The following SEMA4A variants were observed in gnomAD, a reference collection of about 807,000 sequenced individuals.
SEMA4A encodes semaphorin-4A.
SEMA4A carries 52 observed loss-of-function variants against 72.5 expected under a neutral mutation model. The ratio of observed to expected loss-of-function variants is 0.72; its 90% confidence interval spans 0.57 to 0.90. SEMA4A has a LOEUF of 0.90. Among genes scored for constraint, SEMA4A ranks in the 40% least tolerant of loss-of-function variants. The pLI, the probability that SEMA4A is intolerant of heterozygous loss-of-function variation, is 0.00. For synonymous variants in SEMA4A, 369 were observed against 393.1 expected, an observed-to-expected ratio of 0.94 and a Z score of 0.73; for missense variants, 926 against 959.7, an observed-to-expected ratio of 0.96 and a Z score of 0.46.
At chr1:156,149,615 A>C (rs1469164766), upstream of SEMA4A, 1 of 152,224 alleles carries the variant, frequency 6.6e-6, no homozygotes, top group Non-Finnish European at 1.5e-5. Flanking sequence ...CTGAATTTGC[A>C]TGGGGTTGGG....
intron 2 of SEMA4A, 66 bp downstream of exon 2, chr1:156,154,783 G>T: frequency 6.5e-7 from 1 of 1,534,938 alleles, no homozygotes; most frequent in East Asian, 2.4e-5. Context: ...GGAGGAAGGA[G>T]AGAGGAACAG....
chr1:156,161,991 G>A (rs1168910282), intron 9 of SEMA4A, among the ~76,000 whole-genome samples: 3 of 152,160 alleles, frequency 2.0e-5, no homozygotes, highest in African/African-American at 7.2e-5. Context: ...GGCCGGGTGC[G>A]GTGGCTCATG....
chr1:156,160,151 C>T (rs1442220903), intron 6 of SEMA4A, among the ~76,000 whole-genome samples: 3 of 152,070 alleles, frequency 2.0e-5, no homozygotes. Flanking sequence ...GTAAGTGATT[C>T]TACTTGGCAA....
chr1:156,176,415 C>A lies in SEMA4A; in HGVS notation c.1704C>A (p.Val568=). 6.2e-7 allele frequency: 1 copy of A among 1,613,528 alleles called. No individual in the cohort carries two copies. Among genetic ancestry groups the A allele is most frequent in the Non-Finnish European group, 8.5e-7 (1 of 1,179,468 alleles). The change falls in exon 15 of 15, where the codon GTC becomes GTA. Residue 568 remains valine, a synonymous_variant. Transcript: ENST00000368285. ...TTCTTTCTCCTACAGTTAAAGAAGT[C>A]CTGGCTGTCCCCAACTCCATCCTGG... The part of the protein sequence containing the change: ...PQSRPQIIKE[V]LAVPNSILEL...
rs199654825 is a variant in SEMA4A at position 156,160,900 on chromosome 1, C to G, written c.686-5C>G. On this transcript the variant is annotated splice_region_variant and splice_polypyrimidine_tract_variant and intron_variant, in intron 7 of 14. Coordinates refer to ENST00000368285, the MANE Select transcript of SEMA4A (RefSeq NM_022367.4). ...TCCCTAAGCCCATCTGCCCCTCCCCCGCAGATGACGCCTCCTTTGTGGCAG... is the reference window on the plus strand; with the variant it reads ...TCCCTAAGCCCATCTGCCCCTCCCCGGCAGATGACGCCTCCTTTGTGGCAG... 8.7e-6 allele frequency: 14 copies of G among 1,613,556 alleles called. No individual in the cohort carries two copies. The African/African-American group carries it at 1.2e-4, about 14-fold the overall frequency.
At chr1:156,167,475 CAAA>C (rs58793729) in intron 10 of SEMA4A, among the ~76,000 whole-genome samples, 37,973 of 103,400 alleles carry the variant, frequency 0.37, 4,680 homozygotes, top group South Asian at 0.46. Context: ...GACCCTGTCT[CAAA>C]AAAAAAAAAA....
chr1:156,169,035 C>G (rs1009230155), intron 10 of SEMA4A, among the ~76,000 whole-genome samples: 6 of 152,232 alleles, frequency 3.9e-5, no homozygotes, highest in Non-Finnish European at 8.8e-5. Context: ...TTTACTCTCT[C>G]TGGTGGATAA....
chr1:156,150,547 G>A (rs564615202), upstream of SEMA4A, among the ~76,000 whole-genome samples: 1 of 152,018 alleles, frequency 6.6e-6, no homozygotes, highest in South Asian at 2.1e-4. Flanking sequence ...AAAGGGAGGA[G>A]GTGGGGGAAA....
At chr1:156,160,299 C>T (rs913656210) in intron 6 of SEMA4A, 144 bp from the exon 7 acceptor site, 1 of 718,914 alleles carries the variant, frequency 1.4e-6, no homozygotes, top group South Asian at 1.5e-5. Context: ...GGGAGCTGGC[C>T]TTTGAGGCTC....
Position 156,176,915 on chromosome 1 carries a change from A to G in SEMA4A, c.2204A>G (p.His735Arg). 6.2e-7 allele frequency: 1 copy of G among 1,614,194 alleles called. No individual in the cohort carries two copies. The highest frequency in any genetic ancestry group is 1.3e-5 in the African/African-American group (1 of 75,060). Residue 735 changes from histidine (H) to arginine (R), a missense_variant, in exon 15 of 15, where the codon CAC (histidine) becomes CGC (arginine). By Grantham distance (29) the His-to-Arg change is conservative. Coordinates refer to ENST00000368285, the MANE Select transcript of SEMA4A (RefSeq NM_022367.4). ...GEKAPLSREQHLQSPKECRTS... is the reference protein window; with the variant it reads ...GEKAPLSREQRLQSPKECRTS... ...AAGGCCCCGTTAAGCAGAGAGCAAC[A>G]CCTCCAGTCTCCCAAGGAATGCAGG...
In SEMA4A at chr1:156,161,338, G is replaced by GC. The variant is rs1558151243; in HGVS notation, c.811-3dup. On this transcript the variant is annotated splice_polypyrimidine_tract_variant and splice_region_variant and intron_variant, in intron 8 of 14. Coordinates refer to ENST00000368285, the MANE Select transcript of SEMA4A (RefSeq NM_022367.4). Reference sequence around the variant, plus strand: ...CGGGGCGCCCCCTGACTCCCCCTGTGCCCCCAGAATGACGTGGGCGGCGAA... The same window carrying GC: ...CGGGGCGCCCCCTGACTCCCCCTGTGCCCCCCAGAATGACGTGGGCGGCGAA... The GC allele has an allele frequency of 4.8e-6, 6 of 1,247,306 alleles. No homozygotes were observed. The highest frequency in any genetic ancestry group is 5.5e-6 in the Non-Finnish European group (5 of 912,152). The allele number at this position is 1,247,306 out of a possible 1,614,324, so 77.3% of individuals were successfully genotyped here. A position where few individuals can be genotyped will look rare whatever the true frequency, so the allele number is the denominator to read the frequency against.
intron 10 of SEMA4A, among the ~76,000 whole-genome samples, chr1:156,163,533 C>G (rs536257443): frequency 3.9e-4 from 59 of 151,528 alleles, no homozygotes; most frequent in African/African-American, 1.4e-3. Context: ...AACAGCCTGG[C>G]TAACATGGTG....
chr1:156,156,461 G>A lies in SEMA4A; in HGVS notation c.187G>A (p.Asp63Asn), dbSNP rs769950018. Residue 63 changes from aspartate to asparagine, a missense_variant, in exon 3 of 15, where the codon GAT (aspartate) becomes AAT (asparagine). Asp to Asn is a conservative substitution (Grantham distance 23). Coordinates refer to ENST00000368285, the MANE Select transcript of SEMA4A (RefSeq NM_022367.4). ...LSFFHQKGLQ[D>N]FDTLLLSGDG... ...CTTCTTCCACCAGAAGGGCCTCCAG[G>A]ATTTTGACACTCTGCTCCTGAGTGG... The A allele has an allele frequency of 1.2e-5, 20 of 1,614,018 alleles. No homozygotes were observed. Among genetic ancestry groups the A allele is most frequent in the Non-Finnish European group, 1.5e-5 (18 of 1,180,014 alleles).
chr1:156,158,783 G>T lies in SEMA4A; in HGVS notation c.527G>T (p.Ser176Ile), dbSNP rs756270130. 6.2e-7 allele frequency: 1 copy of T among 1,613,994 alleles called. No homozygotes were observed. ...EDKVMEGKGQSPFDPAHKHTA... is the reference protein window; with the variant it reads ...EDKVMEGKGQIPFDPAHKHTA... Reference sequence around the variant, plus strand: ...AAGGTCATGGAGGGAAAAGGCCAAAGCCCCTTTGACCCCGCTCACAAGCAT... The same window carrying T: ...AAGGTCATGGAGGGAAAAGGCCAAATCCCCTTTGACCCCGCTCACAAGCAT... The change falls in exon 6 of 15, where the codon AGC becomes ATC. Residue 176 changes from serine (S) to isoleucine (I), a missense_variant. Physicochemically the swap from Ser to Ile is moderately radical, Grantham distance 142 (BLOSUM62 -2). Transcript: ENST00000368285.
rs58494401 is a variant in SEMA4A at position 156,167,414 on chromosome 1, C to T, written c.1134+4320C>T. Among the ~76,000 whole-genome samples the T allele has an allele frequency of 1.2e-4, 18 of 144,192 alleles. No homozygotes were observed. In the East Asian group the frequency reaches 2.9e-3, roughly 23 times the overall value. The allele number at this position is 144,192 out of a possible 152,430, so 94.6% of individuals were successfully genotyped here. ...GTGAAGTAGGAGGATCACTTGAGCC[C>T]GGGAGGTCGAGGCTGCACCCCACTG... On this transcript the variant is annotated intron_variant, in intron 10 of 14. Transcript: ENST00000368285.
At chr1:156,174,011 T>C (rs1037728013) in intron 11 of SEMA4A, among the ~76,000 whole-genome samples, 4 of 152,082 alleles carry the variant, frequency 2.6e-5, no homozygotes, top group Admixed American at 6.5e-5. Context: ...CTCGGGAGGC[T>C]GAGTCAGGAG....
intron 6 of SEMA4A, chr1:156,159,034 A>C: frequency 2.5e-6 from 1 of 405,684 alleles, no homozygotes. Flanking sequence ...ATCGTCTCAA[A>C]AAAAAAAAAA....
At chr1:156,175,685 G>A (rs759601769) in intron 14 of SEMA4A, 29 bp downstream of exon 14, 2 of 1,513,568 alleles carry the variant, frequency 1.3e-6, no homozygotes, top group South Asian at 2.3e-5. Flanking sequence ...ACCAGGGGAG[G>A]TGCAAAGGCT....
At chr1:156,174,977 G>A in intron 12 of SEMA4A, 37 bp downstream of exon 12, 1 of 1,614,224 alleles carries the variant, frequency 6.2e-7, no homozygotes, top group African/African-American at 1.3e-5. Context: ...GCCTTCCAGT[G>A]GGGCTGGCCT....
Sources: gnomAD v4.1 joint callset for allele counts (sites outside exome capture counted in the v4.1 genomes callset) on GRCh38, gnomAD v4.1.1 for gene constraint, MANE v1.5 for transcripts, NCBI Gene and HGNC (gene_info 2026-07-23, HGNC 2026-07-21) for gene names.